The following PYGO1 variants were observed in gnomAD, a reference collection of about 807,000 sequenced individuals.
The protein encoded by PYGO1 is pygopus family PHD finger 1, also known as pygopus homolog 1.
PYGO1 carries 6 observed loss-of-function variants against 29.5 expected under a neutral mutation model. That is an observed-to-expected ratio of 0.20 (90% confidence interval 0.11 to 0.40). The LOEUF (loss-of-function observed/expected upper bound fraction) is 0.40. PYGO1 is among the 10% of genes least tolerant of loss of function. PYGO1 has a pLI of 1.00. For synonymous variants in PYGO1, 186 were observed against 180.5 expected, an observed-to-expected ratio of 1.03 and a Z score of -0.24; for missense variants, 515 against 514.9, an observed-to-expected ratio of 1.00 and a Z score of 0.00.
rs188149384 is a variant in PYGO1 at position 55,584,550 on chromosome 15, G to T, written c.49+3285C>A. Among the ~76,000 whole-genome samples the T allele has an allele frequency of 4.3e-4, 66 of 152,274 alleles. 1 individual carries two copies. The East Asian group carries it at 4.8e-3, about 11-fold the overall frequency. On this transcript the variant is annotated intron_variant, in intron 1 of 2. Transcript: ENST00000563719. ...AGGAATACTGGAGAATGGGAGTATT[G>T]GTTAAAATAACGATGGCAGTTGACA...
intron 1 of PYGO1, among the ~76,000 whole-genome samples, chr15:55,550,153 C>A (rs943727750): frequency 6.6e-6 from 1 of 152,136 alleles, no homozygotes; most frequent in South Asian, 2.1e-4. Flanking sequence ...TAGATTACAA[C>A]TGGTTTGACA....
intron 1 of PYGO1, among the ~76,000 whole-genome samples, chr15:55,553,428 G>A (rs1037531055): frequency 4.7e-5 from 7 of 149,310 alleles, no homozygotes; most frequent in Non-Finnish European, 5.9e-5. Context: ...AAGGAGTTTC[G>A]CTCTGTTGCC....
chr15:55,580,400 T>C (rs2059020607), intron 1 of PYGO1, among the ~76,000 whole-genome samples: 1 of 152,234 alleles, frequency 6.6e-6, no homozygotes, highest in Non-Finnish European at 1.5e-5. Context: ...TGATTAAATA[T>C]ACCTAAAAGA....
chr15:55,556,656 A>C (rs1016084250), intron 1 of PYGO1, among the ~76,000 whole-genome samples: 4 of 151,914 alleles, frequency 2.6e-5, no homozygotes, highest in South Asian at 2.1e-4. Context: ...TCAGAGCAGA[A>C]CTGAAGGAGA....
intron 1 of PYGO1, among the ~76,000 whole-genome samples, chr15:55,568,172 G>A (rs1291230091): frequency 6.6e-6 from 1 of 152,116 alleles, no homozygotes; most frequent in Non-Finnish European, 1.5e-5. Flanking sequence ...GAGCAGTGTG[G>A]CTATTTTAAT....
chr15:55,572,709 A>T (rs892036228), intron 1 of PYGO1, among the ~76,000 whole-genome samples: 6 of 152,188 alleles, frequency 3.9e-5, no homozygotes, highest in Non-Finnish European at 5.9e-5. Flanking sequence ...ACAATGCTTA[A>T]TCAATGGAGA....
intron 1 of PYGO1, among the ~76,000 whole-genome samples, chr15:55,567,785 G>T (rs2058963382): frequency 6.6e-6 from 1 of 152,118 alleles, no homozygotes; most frequent in South Asian, 2.1e-4. Context: ...CATGGTGATA[G>T]GTATGGGTCC....
intron 1 of PYGO1, among the ~76,000 whole-genome samples, chr15:55,581,107 A>G (rs966682932): frequency 2.0e-5 from 3 of 152,238 alleles, no homozygotes; most frequent in Non-Finnish European, 4.4e-5. Flanking sequence ...TATGATAGAG[A>G]TAAGCACAGG....
chr15:55,553,660 C>T (rs1036572091), intron 1 of PYGO1, among the ~76,000 whole-genome samples: 2 of 152,154 alleles, frequency 1.3e-5, no homozygotes, highest in Admixed American at 6.5e-5. Flanking sequence ...ATCTACCCAC[C>T]TCAGCCTCCC....
chr15:55,555,141 A>C (rs1021184152), intron 1 of PYGO1, among the ~76,000 whole-genome samples: 15 of 152,208 alleles, frequency 9.9e-5, no homozygotes, highest in African/African-American at 3.6e-4. Context: ...AGGGAAACCA[A>C]TCAGACTAAC....
rs958142214 is a variant in PYGO1, at chr15:55,541,893, A to G, written c.*4130T>C. On this transcript the variant is annotated 3_prime_UTR_variant, in exon 3 of 3. Transcript: ENST00000563719. ...TAAAGAAAACTGAGAGTTCAGCATG[A>G]TACTATTAACTAGATTATGGTCTAA... The G allele has an allele frequency of 4.6e-5, 7 of 152,200 alleles. No individual in the cohort carries two copies. The highest frequency in any genetic ancestry group is 1.4e-4 in the African/African-American group (6 of 41,452). 9.4% of individuals were successfully genotyped at this position (152,200 alleles called of 1,614,324 possible). A position where few individuals can be genotyped will look rare whatever the true frequency, so the allele number is the denominator to read the frequency against.
chr15:55,585,429 AGG>A, intron 1 of PYGO1, among the ~76,000 whole-genome samples: 1 of 152,230 alleles, frequency 6.6e-6, no homozygotes. Context: ...AAAAAGCTCC[AGG>A]GCAATGAAGT....
intron 1 of PYGO1, among the ~76,000 whole-genome samples, chr15:55,585,328 G>A (rs2059042082): frequency 6.6e-6 from 1 of 152,042 alleles, no homozygotes; most frequent in Admixed American, 6.6e-5. Flanking sequence ...CAGCAGATGG[G>A]AAACAGTTTG....
intron 1 of PYGO1, among the ~76,000 whole-genome samples, chr15:55,587,527 G>C (rs1408724575): frequency 6.6e-6 from 1 of 151,902 alleles, no homozygotes; most frequent in South Asian, 2.1e-4. Context: ...ACCCTTTGAG[G>C]TGCCTATTGT....
rs968255728 is a variant in PYGO1 at position 55,544,359 on chromosome 15, G to A, written c.*1664C>T. On this transcript the variant is annotated 3_prime_UTR_variant, in exon 3 of 3. Coordinates refer to ENST00000563719, the MANE Select transcript of PYGO1 (RefSeq NM_001367806.1). ...TAACATCTTCCAGTTACTTCATCTC[G>A]ATTGGGGAATGCATTGTTTCTTAGA... 6.6e-6 allele frequency: 1 copy of A among 152,064 alleles called. No homozygotes were observed. The highest frequency in any genetic ancestry group is 1.5e-5 in the Non-Finnish European group (1 of 68,002). 9.4% of individuals were successfully genotyped at this position (152,064 alleles called of 1,614,324 possible).
chr15:55,570,728 G>T (rs2058976833), intron 1 of PYGO1, among the ~76,000 whole-genome samples: 1 of 152,050 alleles, frequency 6.6e-6, no homozygotes. Context: ...ATAATTTTAT[G>T]TAATAAAATG....
intron 1 of PYGO1, among the ~76,000 whole-genome samples, chr15:55,574,987 G>GT (rs2058995368): frequency 6.6e-6 from 1 of 152,156 alleles, no homozygotes; most frequent in South Asian, 2.1e-4. Flanking sequence ...TACTGTGTCA[G>GT]ATACTGGGAT....
intron 1 of PYGO1, among the ~76,000 whole-genome samples, chr15:55,560,046 C>A (rs1281961959): frequency 6.6e-6 from 1 of 151,806 alleles, no homozygotes; most frequent in Non-Finnish European, 1.5e-5. Flanking sequence ...TAATAATAAC[C>A]ATATATATGA....
intron 1 of PYGO1, among the ~76,000 whole-genome samples, chr15:55,584,658 C>G (rs534048980): frequency 6.6e-6 from 1 of 152,260 alleles, no homozygotes; most frequent in Admixed American, 6.5e-5. Context: ...TTCACTCATT[C>G]ATTCATTTGA....
Sources: gnomAD v4.1 joint callset for allele counts (sites outside exome capture counted in the v4.1 genomes callset) on GRCh38, gnomAD v4.1.1 for gene constraint, MANE v1.5 for transcripts, NCBI Gene and HGNC (gene_info 2026-07-23, HGNC 2026-07-21) for gene names.